The following ACTL7A variants were observed in gnomAD, a reference collection of about 807,000 sequenced individuals.
The protein encoded by ACTL7A is actin like 7A.
Under a neutral mutation model 30.3 loss-of-function variants are expected in ACTL7A, and 27 were observed. The ratio of observed to expected loss-of-function variants is 0.89; its 90% CI spans 0.66 to 1.23. ACTL7A has a LOEUF of 1.23. Among genes scored for constraint, ACTL7A ranks in the 50% most tolerant of loss-of-function variants. The probability of loss-of-function intolerance (pLI) is 0.00; values close to 1 mark genes in which losing one functional copy is unlikely to be tolerated. For missense variants in ACTL7A, 566 were observed against 571.8 expected (o/e 0.99, Z 0.10); for synonymous variants, 259 against 241.4 (o/e 1.07, Z -0.67).
Position 108,863,535 on chromosome 9 carries a change from A to G in ACTL7A, c.1213A>G (p.Ile405Val). ...RDSAVWTGGSILASLQGFQPL... is the reference protein window; with the variant it reads ...RDSAVWTGGSVLASLQGFQPL... Reference sequence around the variant, plus strand: ...CAGTGCCGTGTGGACCGGTGGCTCCATCCTGGCCTCACTTCAGGGTTTCCA... The same window carrying G: ...CAGTGCCGTGTGGACCGGTGGCTCCGTCCTGGCCTCACTTCAGGGTTTCCA... Residue 405 changes from isoleucine to valine, a missense_variant, in exon 1 of 1, where the codon ATC (isoleucine) becomes GTC (valine). Coordinates refer to ENST00000333999, the MANE Select transcript of ACTL7A (RefSeq NM_006687.4). The G allele has an allele frequency of 1.2e-6, 2 of 1,614,076 alleles. No individual in the cohort carries two copies. The highest frequency in any genetic ancestry group is 1.7e-6 in the Non-Finnish European group (2 of 1,179,994).
In ACTL7A at chr9:108,863,123, C is replaced by T; in HGVS notation, c.801C>T (p.Asp267=). 5 of 1,614,120 alleles carry T rather than the reference C, an allele frequency of 3.1e-6. No individual in the cohort carries two copies. The highest frequency in any genetic ancestry group is 4.2e-6 in the Non-Finnish European group (5 of 1,180,034). ...GTGCGGGGAACGAATTCACCCAGGA[C>T]CAGATGGGCATCGTGGAGGACATCA... ...LNSAGNEFTQ[D]QMGIVEDIKK... is the part of the protein sequence containing the mutation. The change falls in exon 1 of 1, where the codon GAC becomes GAT. Residue 267 remains aspartate, a synonymous_variant. Coordinates refer to ENST00000333999, the MANE Select transcript of ACTL7A (RefSeq NM_006687.4).
At position 108,862,731 on chromosome 9, in the gene ACTL7A, C is replaced by T. The variant is rs747746366; in HGVS notation, c.409C>T (p.His137Tyr). ...VHLKLVNPLR[H>Y]GIIVDWDTVQ... is the part of the protein sequence containing the mutation. ...TCTCAAGCTGGTTAACCCTCTGCGA[C>T]ATGGCATCATCGTGGACTGGGATAC... The change falls in exon 1 of 1, where the codon CAT becomes TAT. Residue 137 changes from histidine to tyrosine, a missense_variant. By Grantham distance (83) the His-to-Tyr change is moderately conservative (BLOSUM62 2). Coordinates refer to ENST00000333999, the MANE Select transcript of ACTL7A (RefSeq NM_006687.4). The T allele has an allele frequency of 1.9e-6, 3 of 1,614,202 alleles. No homozygotes were observed. The highest frequency in any genetic ancestry group is 2.5e-6 in the Non-Finnish European group (3 of 1,180,042).
Position 108,863,633 on chromosome 9 carries a change from A to G in ACTL7A, c.*3A>G, listed in dbSNP as rs4978370. ...TCCTCTACAGAAGGTGCTTCTGAAC[A>G]GCGACGAGGATGGACACTGCACTGG... is the stretch of plus-strand genomic sequence containing the variant. On this transcript the variant is annotated 3_prime_UTR_variant, in exon 1 of 1. Coordinates refer to ENST00000333999, the MANE Select transcript of ACTL7A (RefSeq NM_006687.4). The G allele has an allele frequency of 0.86, 1,367,229 of 1,597,424 alleles. 586,658 individuals carry two copies. The highest frequency in any genetic ancestry group is 0.97 in the African/African-American group (72,618 of 74,812).
chr9:108,863,093 G>A lies in ACTL7A; in HGVS notation c.771G>A (p.Leu257=), dbSNP rs1173929841. 5 of 1,614,100 alleles carry A rather than the reference G, an allele frequency of 3.1e-6. No homozygotes were observed. Among genetic ancestry groups the A allele is most frequent in the Non-Finnish European group, 4.2e-6 (5 of 1,180,016 alleles). ...TGACAGCCTACCTGCTGGGCCTGCT[G>A]AACAGTGCGGGGAACGAATTCACCC... ...SDLTAYLLGL[L]NSAGNEFTQD... The change falls in exon 1 of 1, where the codon CTG becomes CTA. Residue 257 remains leucine (L), a synonymous_variant. Coordinates refer to ENST00000333999, the MANE Select transcript of ACTL7A (RefSeq NM_006687.4).
At position 108,862,370 on chromosome 9, in the gene ACTL7A, G is replaced by A. The variant is rs773060237; in HGVS notation, c.48G>A (p.Lys16=). The change falls in exon 1 of 1, where the codon AAG becomes AAA. Residue 16 remains lysine, a synonymous_variant. Transcript: ENST00000333999. Reference sequence around the variant, plus strand: ...TCATGGGGGATGGGCCCACCAAGAAGGTGGGCAACCAGGCCCCCCTGCAGA... The same window carrying A: ...TCATGGGGGATGGGCCCACCAAGAAAGTGGGCAACCAGGCCCCCCTGCAGA... The part of the protein sequence containing the change: ...AAIMGDGPTK[K]VGNQAPLQTQ... 10 of 1,613,698 alleles carry A rather than the reference G, an allele frequency of 6.2e-6. No homozygotes were observed. The highest frequency in any genetic ancestry group is 2.7e-5 in the African/African-American group (2 of 74,914).
rs1827172856 is a variant in ACTL7A at position 108,862,308 on chromosome 9, G to A, written c.-15G>A. The A allele has an allele frequency of 1.9e-6, 3 of 1,595,174 alleles. No individual in the cohort carries two copies. The highest frequency in any genetic ancestry group is 1.8e-5 in the Admixed American group (1 of 56,482). On this transcript the variant is annotated 5_prime_UTR_variant, in exon 1 of 1. Transcript: ENST00000333999. Reference sequence around the variant, plus strand: ...GGATTGAGAACTTTCTAAGAGTGGTGCGGCTCTTGACAACATGTGGGCTCC... The same window carrying A: ...GGATTGAGAACTTTCTAAGAGTGGTACGGCTCTTGACAACATGTGGGCTCC...
rs1294679981 is a variant in ACTL7A at position 108,862,911 on chromosome 9, C to T, written c.589C>T (p.His197Tyr). The T allele has an allele frequency of 2.5e-6, 4 of 1,611,280 alleles. No individual in the cohort carries two copies. Among genetic ancestry groups the T allele is most frequent in the Admixed American group, 1.7e-5 (1 of 59,890 alleles). Residue 197 changes from histidine (H) to tyrosine (Y), a missense_variant, in exon 1 of 1, where the codon CAC (histidine) becomes TAC (tyrosine). His to Tyr is a moderately conservative substitution (Grantham distance 83). Coordinates refer to ENST00000333999, the MANE Select transcript of ACTL7A (RefSeq NM_006687.4). ...TGAAGCCTTCAACACCCCTGCAATGCACATCGCCTACCAGTCGCGCCTGTC... is the reference window on the plus strand; with the variant it reads ...TGAAGCCTTCAACACCCCTGCAATGTACATCGCCTACCAGTCGCGCCTGTC... ...LFEAFNTPAMHIAYQSRLSMY... is the reference protein window; with the variant it reads ...LFEAFNTPAMYIAYQSRLSMY...
In ACTL7A at chr9:108,863,688, C is replaced by A. The variant is rs1275807174; in HGVS notation, c.*58C>A. The A allele has an allele frequency of 6.7e-7, 1 of 1,489,336 alleles. No homozygotes were observed. The highest frequency in any genetic ancestry group is 1.4e-5 in the African/African-American group (1 of 71,938). 92.3% of individuals were successfully genotyped at this position (1,489,336 alleles called of 1,614,324 possible). A position where few individuals can be genotyped will look rare whatever the true frequency, so the allele number is the denominator to read the frequency against. ...GCCTACCCTCGACAGGGTGAGCGCA[C>A]TCCTACACACAGGGGGTGGAGCCGG... On this transcript the variant is annotated 3_prime_UTR_variant, in exon 1 of 1. Transcript: ENST00000333999.
At position 108,862,652 on chromosome 9, in the gene ACTL7A, G is replaced by T. The variant is rs1246538042; in HGVS notation, c.330G>T (p.Gly110=). Residue 110 remains glycine, a synonymous_variant, in exon 1 of 1, where the codon GGG becomes GGT. Coordinates refer to ENST00000333999, the MANE Select transcript of ACTL7A (RefSeq NM_006687.4). ...GKPYMETAKT[G]DNRKETFVGQ... ...CCTACATGGAGACCGCCAAGACTGG[G>T]GATAATCGCAAGGAGACATTCGTGG... The T allele has an allele frequency of 6.2e-7, 1 of 1,614,194 alleles. No homozygotes were observed. The highest frequency in any genetic ancestry group is 1.1e-5 in the South Asian group (1 of 91,086).
In ACTL7A at chr9:108,863,196, G is replaced by T. The variant is rs1230932603; in HGVS notation, c.874G>T (p.Val292Phe). The change falls in exon 1 of 1, where the codon GTC (valine) becomes TTC (phenylalanine). Residue 292 changes from valine to phenylalanine, a missense_variant. Transcript: ENST00000333999. ...CCTGGATCCCATTGAGGAGAAGAAAGTCCCTCTCAGTGAGCATACGATCCG... is the reference window on the plus strand; with the variant it reads ...CCTGGATCCCATTGAGGAGAAGAAATTCCCTCTCAGTGAGCATACGATCCG... Reference protein sequence around the residue: ...VALDPIEEKKVPLSEHTIRYV... With the variant: ...VALDPIEEKKFPLSEHTIRYV... 6.2e-7 allele frequency: 1 copy of T among 1,614,116 alleles called. No individual in the cohort carries two copies. The highest frequency in any genetic ancestry group is 8.5e-7 in the Non-Finnish European group (1 of 1,180,048).
rs762434806 is a variant in ACTL7A, at chr9:108,863,085, G to A, written c.763G>A (p.Gly255Ser). The change falls in exon 1 of 1, where the codon GGC (glycine) becomes AGC (serine). Residue 255 changes from glycine (G) to serine (S), a missense_variant. Transcript: ENST00000333999. ...CTCTGACCTGACAGCCTACCTGCTGGGCCTGCTGAACAGTGCGGGGAACGA... is the reference window on the plus strand; with the variant it reads ...CTCTGACCTGACAGCCTACCTGCTGAGCCTGCTGAACAGTGCGGGGAACGA... Reference protein sequence around the residue: ...AGSDLTAYLLGLLNSAGNEFT... With the variant: ...AGSDLTAYLLSLLNSAGNEFT... 28 of 1,613,970 alleles carry A rather than the reference G, an allele frequency of 1.7e-5. 1 individual carries two copies. In the South Asian group the frequency reaches 3.1e-4, roughly 18 times the overall value.
At position 108,863,514 on chromosome 9, in the gene ACTL7A, G is replaced by A. The variant is rs770324864; in HGVS notation, c.1192G>A (p.Ala398Thr). The change falls in exon 1 of 1, where the codon GCC becomes ACC. Residue 398 changes from alanine (A) to threonine (T), a missense_variant. Ala to Thr is a moderately conservative substitution (Grantham distance 58). Coordinates refer to ENST00000333999, the MANE Select transcript of ACTL7A (RefSeq NM_006687.4). The part of the protein sequence containing the change: ...QVNVLPERDS[A>T]VWTGGSILAS... The stretch of plus-strand genomic sequence containing the variant: ...AAACGTGCTGCCTGAAAGAGACAGT[G>A]CCGTGTGGACCGGTGGCTCCATCCT... 1 of 1,614,194 alleles carries A rather than the reference G, an allele frequency of 6.2e-7. No individual in the cohort carries two copies. Among genetic ancestry groups the A allele is most frequent in the Non-Finnish European group, 8.5e-7 (1 of 1,180,048 alleles).
Position 108,862,883 on chromosome 9 carries a change from GT to G in ACTL7A, c.564del (p.Phe188LeufsTer62). On this transcript the variant is annotated frameshift_variant, in exon 1 of 1. Coordinates refer to ENST00000333999, the MANE Select transcript of ACTL7A (RefSeq NM_006687.4). LOFTEE classifies it high-confidence loss of function. ...TNREKYAEML[F>X]EAFNTPAMHI... Reference sequence around the variant, plus strand: ...ACAGAGAGAAATATGCTGAAATGCTGTTTGAAGCCTTCAACACCCCTGCAAT... The same window carrying G: ...ACAGAGAGAAATATGCTGAAATGCTGTTGAAGCCTTCAACACCCCTGCAAT... The G allele has an allele frequency of 1.2e-6, 2 of 1,612,794 alleles. No individual in the cohort carries two copies. The highest frequency in any genetic ancestry group is 1.7e-6 in the Non-Finnish European group (2 of 1,179,264).
chr9:108,863,029 C>G lies in ACTL7A; in HGVS notation c.707C>G (p.Pro236Arg), dbSNP rs1331159767. 3 of 1,613,674 alleles carry G rather than the reference C, an allele frequency of 1.9e-6. No homozygotes were observed. The highest frequency in any genetic ancestry group is 2.5e-6 in the Non-Finnish European group (3 of 1,179,890). The change falls in exon 1 of 1, where the codon CCC becomes CGC. Residue 236 changes from proline to arginine, a missense_variant. Pro to Arg is a moderately radical substitution (Grantham distance 103). Transcript: ENST00000333999. ...VVPIYEGYPL[P>R]SITGRLDYAG... ...CCCATCTACGAGGGTTATCCTTTGCCCAGCATCACCGGAAGGCTGGACTAC... is the reference window on the plus strand; with the variant it reads ...CCCATCTACGAGGGTTATCCTTTGCGCAGCATCACCGGAAGGCTGGACTAC...
In ACTL7A at chr9:108,862,728, C is replaced by A. The variant is rs751148362; in HGVS notation, c.406C>A (p.Arg136=). 18 of 1,614,168 alleles carry A rather than the reference C, an allele frequency of 1.1e-5. No individual in the cohort carries two copies. The highest frequency in any genetic ancestry group is 2.2e-5 in the East Asian group (1 of 44,872). ...NVHLKLVNPL[R]HGIIVDWDTV... ...TCATCTCAAGCTGGTTAACCCTCTG[C>A]GACATGGCATCATCGTGGACTGGGA... is the stretch of plus-strand genomic sequence containing the variant. Residue 136 remains arginine (R), a synonymous_variant, in exon 1 of 1, where the codon CGA becomes AGA. Transcript: ENST00000333999.
Position 108,862,373 on chromosome 9 carries a change from G to C in ACTL7A, c.51G>C (p.Val17=). 6.2e-7 allele frequency: 1 copy of C among 1,613,808 alleles called. No homozygotes were observed. The highest frequency in any genetic ancestry group is 1.1e-5 in the South Asian group (1 of 91,068). The change falls in exon 1 of 1, where the codon GTG becomes GTC. Residue 17 remains valine (V), a synonymous_variant. Coordinates refer to ENST00000333999, the MANE Select transcript of ACTL7A (RefSeq NM_006687.4). ...TGGGGGATGGGCCCACCAAGAAGGT[G>C]GGCAACCAGGCCCCCCTGCAGACAC... is the stretch of plus-strand genomic sequence containing the variant. ...AIMGDGPTKK[V]GNQAPLQTQA...
In ACTL7A at chr9:108,863,740, C is replaced by A; in HGVS notation, c.*110C>A. 1.0e-6 allele frequency: 1 copy of A among 954,010 alleles called. No homozygotes were observed. 59.1% of individuals were successfully genotyped at this position (954,010 alleles called of 1,614,324 possible). A position where few individuals can be genotyped will look rare whatever the true frequency, so the allele number is the denominator to read the frequency against. On this transcript the variant is annotated 3_prime_UTR_variant, in exon 1 of 1. Transcript: ENST00000333999. ...GCTTATTCCTGTAGCATTAAACACC[C>A]CTCATATGCCCCTCCACAGTGTGTT... is the stretch of plus-strand genomic sequence containing the variant.
Position 108,863,465 on chromosome 9 carries a change from G to A in ACTL7A, c.1143G>A (p.Met381Ile). The part of the protein sequence containing the change: ...PNRLQKELSS[M>I]CPNDTPQVNV... ...GTCTGCAGAAGGAGCTAAGCAGCAT[G>A]TGTCCCAATGACACCCCGCAGGTAA... The change falls in exon 1 of 1, where the codon ATG becomes ATA. Residue 381 changes from methionine (M) to isoleucine (I), a missense_variant. By Grantham distance (10) the Met-to-Ile change is conservative. Transcript: ENST00000333999. The A allele has an allele frequency of 6.2e-7, 1 of 1,614,224 alleles. No homozygotes were observed. The highest frequency in any genetic ancestry group is 1.1e-5 in the South Asian group (1 of 91,082).
At position 108,862,892 on chromosome 9, in the gene ACTL7A, C is replaced by G; in HGVS notation, c.570C>G (p.Ala190=). ...REKYAEMLFE[A]FNTPAMHIAY... ...AATATGCTGAAATGCTGTTTGAAGC[C>G]TTCAACACCCCTGCAATGCACATCG... is the stretch of plus-strand genomic sequence containing the variant. Residue 190 remains alanine, a synonymous_variant, in exon 1 of 1, where the codon GCC becomes GCG. Coordinates refer to ENST00000333999, the MANE Select transcript of ACTL7A (RefSeq NM_006687.4). 1 of 1,612,254 alleles carries G rather than the reference C, an allele frequency of 6.2e-7. No homozygotes were observed. The highest frequency in any genetic ancestry group is 8.5e-7 in the Non-Finnish European group (1 of 1,178,984).
Sources: allele counts gnomAD v4.1 joint callset, GRCh38; gene constraint gnomAD v4.1.1; transcripts MANE v1.5; gene names NCBI Gene and HGNC (gene_info 2026-07-23, HGNC 2026-07-21).